FBRSL1: variants seen among roughly 807,000 people sequenced by gnomAD.
The protein encoded by FBRSL1 is fibrosin-1-like protein.
FBRSL1 carries 51 observed loss-of-function variants against 89.6 expected under a neutral mutation model. That is an observed-to-expected ratio of 0.57 (90% CI 0.45 to 0.72). The LOEUF is 0.72. Ranked by LOEUF, FBRSL1 falls within the 30% of genes least tolerant of loss-of-function variation. The pLI is 0.00. For synonymous variants in FBRSL1, 779 were observed against 681.1 expected (o/e 1.14, Z -2.24); for missense variants, 1,618 against 1,451.8 (o/e 1.11, Z -1.86).
chr12:132,581,866 C>G, intron 17 of FBRSL1, 42 bp downstream of exon 17: 1 of 1,483,202 alleles, frequency 6.7e-7, no homozygotes, highest in Non-Finnish European at 9.0e-7. Context: ...GATGCCCGCG[C>G]CCCTCCCCCA....
At chr12:132,503,491 A>G (rs929307582) in intron 1 of FBRSL1, among the ~76,000 whole-genome samples, 11 of 152,358 alleles carry the variant, frequency 7.2e-5, no homozygotes, top group African/African-American at 2.4e-4. Context: ...GCTGTCGCCC[A>G]CCAGGTGAGT....
At chr12:132,565,383 C>T (rs536407556) in intron 5 of FBRSL1, 13 of 152,366 alleles carry the variant, frequency 8.5e-5, no homozygotes, top group African/African-American at 2.9e-4. Context: ...CGTAAACACA[C>T]ATGTGATGCT....
intron 1 of FBRSL1, chr12:132,507,237 C>T (rs1311143331): frequency 1.0e-6 from 1 of 985,430 alleles, no homozygotes; most frequent in African/African-American, 1.7e-5. Flanking sequence ...TTCACTGCTG[C>T]TGTTTTCCTC....
intron 1 of FBRSL1, among the ~76,000 whole-genome samples, chr12:132,506,789 G>A (rs1057316597): frequency 2.0e-5 from 3 of 152,270 alleles, no homozygotes; most frequent in African/African-American, 7.2e-5. Context: ...GGAGCAGGCC[G>A]CTCACAGCAG....
intron 5 of FBRSL1, among the ~76,000 whole-genome samples, chr12:132,561,903 G>A (rs1168715733): frequency 2.6e-5 from 4 of 152,128 alleles, no homozygotes; most frequent in African/African-American, 9.7e-5. Context: ...CTGTGTGAGG[G>A]GCCCAGATTT....
At chr12:132,496,688 T>G (rs556525029) in intron 1 of FBRSL1, among the ~76,000 whole-genome samples, 20 of 152,230 alleles carry the variant, frequency 1.3e-4, no homozygotes, top group Non-Finnish European at 2.5e-4. Flanking sequence ...TGTTGCTGTT[T>G]GTGGGTATCT....
chr12:132,496,755 G>A (rs1313774777), intron 1 of FBRSL1, among the ~76,000 whole-genome samples: 1 of 152,212 alleles, frequency 6.6e-6, no homozygotes, highest in Non-Finnish European at 1.5e-5. Flanking sequence ...TGTCTTGCAC[G>A]GGACGCATCT....
intron 4 of FBRSL1, among the ~76,000 whole-genome samples, chr12:132,541,433 A>AC (rs150057498): frequency 2.6e-5 from 4 of 151,586 alleles, no homozygotes; most frequent in Admixed American, 6.6e-5. Context: ...GAGGTCATGC[A>AC]CCCCCCCACC....
chr12:132,527,454 G>A (rs2035878055), intron 3 of FBRSL1, among the ~76,000 whole-genome samples: 1 of 152,192 alleles, frequency 6.6e-6, no homozygotes, highest in Non-Finnish European at 1.5e-5. Flanking sequence ...CCCCTGGGGA[G>A]GACCCCACCA....
At chr12:132,510,168 C>T (rs903660936) in intron 2 of FBRSL1, 4 of 1,231,040 alleles carry the variant, frequency 3.2e-6, no homozygotes, top group Non-Finnish European at 4.1e-6. Context: ...CCAGCCCCTG[C>T]GGCCGCTCAT....
chr12:132,561,607 G>A (rs905059004), intron 5 of FBRSL1, among the ~76,000 whole-genome samples: 2 of 152,054 alleles, frequency 1.3e-5, no homozygotes, highest in Non-Finnish European at 2.9e-5. Context: ...CTCCTTCCTG[G>A]CCCCTGGAGA....
chr12:132,523,654 C>G (rs2035550812), intron 2 of FBRSL1, among the ~76,000 whole-genome samples: 1 of 152,310 alleles, frequency 6.6e-6, no homozygotes, highest in East Asian at 1.9e-4. Context: ...GCAGCCTTTC[C>G]CATCGCTGCC....
chr12:132,576,774 G>A (rs2040409290), intron 14 of FBRSL1, 25 bp from the exon 15 acceptor site: 1 of 1,546,102 alleles, frequency 6.5e-7, no homozygotes, highest in Admixed American at 2.0e-5. Flanking sequence ...CGGGCAGGCG[G>A]CCCTCACCCG....
At chr12:132,516,695 A>G (rs917405437) in intron 2 of FBRSL1, among the ~76,000 whole-genome samples, 3 of 152,178 alleles carry the variant, frequency 2.0e-5, no homozygotes, top group African/African-American at 7.2e-5. Context: ...CATTTGCCGG[A>G]TGAGGATGCT....
chr12:132,529,370 A>G (rs1367019267), intron 4 of FBRSL1, among the ~76,000 whole-genome samples: 1 of 152,188 alleles, frequency 6.6e-6, no homozygotes, highest in East Asian at 1.9e-4. Flanking sequence ...GCCACAGGCC[A>G]GGAGTGGACC....
rs1055972964 is a variant in FBRSL1 at position 132,583,664 on chromosome 12, C to T, written c.2895C>T (p.Pro965=). 12 of 1,088,030 alleles carry T rather than the reference C, an allele frequency of 1.1e-5. No homozygotes were observed. The African/African-American group carries it at 1.7e-4, about 15-fold the overall frequency. The allele number at this position is 1,088,030 out of a possible 1,614,324, so 67.4% of individuals were successfully genotyped here. ...APPPLVTAAG[P]PTPPGPPRSR... ...CCCCCCTGGTGACGGCGGCCGGGCC[C>T]CCCACGCCCCCCGGGCCGCCGCGGA... The change falls in exon 19 of 19, where the codon CCC becomes CCT. Residue 965 remains proline (P), a synonymous_variant. Transcript: ENST00000680143.
At chr12:132,530,425 G>C (rs2036161911) in intron 4 of FBRSL1, among the ~76,000 whole-genome samples, 1 of 152,056 alleles carries the variant, frequency 6.6e-6, no homozygotes, top group East Asian at 1.9e-4. Context: ...CTGTGGGTCA[G>C]GGGGAGGGCC....
rs752203888 is a variant in FBRSL1 at position 132,543,340 on chromosome 12, C to T, written c.616-4663C>T. On this transcript the variant is annotated intron_variant, in intron 4 of 18. Transcript: ENST00000680143. ...TGTCCACGAAGCAGTGGGGCCAGGACCTGCCCACGCCGGGCTCCGTGAAGC... is the reference window on the plus strand; with the variant it reads ...TGTCCACGAAGCAGTGGGGCCAGGATCTGCCCACGCCGGGCTCCGTGAAGC... Among the ~76,000 whole-genome samples, 5 of 152,282 alleles carry T rather than the reference C, an allele frequency of 3.3e-5. No individual in the cohort carries two copies. In the South Asian group the frequency reaches 1.0e-3, roughly 32 times the overall value.
intron 18 of FBRSL1, among the ~76,000 whole-genome samples, chr12:132,582,722 C>T (rs1168649910): frequency 2.0e-5 from 3 of 152,044 alleles, no homozygotes; most frequent in Non-Finnish European, 2.9e-5. Context: ...GGGAGGGGCC[C>T]GTGGGGAGCC....
Sources: allele counts gnomAD v4.1 joint callset (sites outside exome capture counted in the v4.1 genomes callset), GRCh38; gene constraint gnomAD v4.1.1; transcripts MANE v1.5; gene names NCBI Gene and HGNC (gene_info 2026-07-23, HGNC 2026-07-21).